MYRIP: variants seen among roughly 807,000 people sequenced by gnomAD.
MYRIP encodes myosin VIIA and Rab interacting protein, also known as rab effector MyRIP.
Under a neutral mutation model 98.0 loss-of-function variants are expected in MYRIP, and 49 were observed. That is an observed-to-expected ratio of 0.50 (90% CI 0.40 to 0.63). The LOEUF (loss-of-function observed/expected upper bound fraction) is 0.63. Ranked by LOEUF, MYRIP falls within the 30% of genes least tolerant of loss-of-function variation. MYRIP has a pLI of 0.00. For synonymous variants in MYRIP, 404 were observed against 409.5 expected (o/e 0.99, Z 0.16); for missense variants, 1,004 against 1,058.2 (o/e 0.95, Z 0.71).
chr3:40,206,190 C>T (rs1355388101), intron 10 of MYRIP, among the ~76,000 whole-genome samples: 2 of 152,072 alleles, frequency 1.3e-5, no homozygotes, highest in Non-Finnish European at 2.9e-5. Flanking sequence ...TTAAAATCAG[C>T]TCATGGGGGG....
At chr3:40,189,330 G>A (rs1951131430) in intron 9 of MYRIP, among the ~76,000 whole-genome samples, 2 of 152,160 alleles carry the variant, frequency 1.3e-5, no homozygotes, top group African/African-American at 2.4e-5. Flanking sequence ...AGCCTATTAC[G>A]AAGTAGGATC....
rs111368467 is a variant in MYRIP, at chr3:39,936,140, T to C, written c.110+35214T>C. ...GGCTGAAGTTCTTTATAAATACTAC[T>C]AAACCAGTATTTCTTTTTGTTAAAG... On this transcript the variant is annotated intron_variant, in intron 2 of 16. Transcript: ENST00000302541. Among the ~76,000 whole-genome samples the C allele has an allele frequency of 2.3e-3, 353 of 152,308 alleles. 2 individuals carry two copies. The highest frequency in any genetic ancestry group is 0.01 in the Middle Eastern group (3 of 294).
intron 12 of MYRIP, among the ~76,000 whole-genome samples, chr3:40,234,925 G>A (rs1348831027): frequency 2.7e-5 from 4 of 148,742 alleles, no homozygotes; most frequent in Admixed American, 6.8e-5. Context: ...CACAGGAGGC[G>A]AAGGCTGTAG....
chr3:39,871,836 G>A (rs1942798270), intron 1 of MYRIP, among the ~76,000 whole-genome samples: 1 of 151,952 alleles, frequency 6.6e-6, no homozygotes, highest in South Asian at 2.1e-4. Context: ...AATTTCAAGT[G>A]TTATTAGCAT....
intron 3 of MYRIP, among the ~76,000 whole-genome samples, chr3:40,115,808 T>A (rs889311371): frequency 1.3e-5 from 2 of 151,960 alleles, no homozygotes; most frequent in Non-Finnish European, 2.9e-5. Flanking sequence ...TTTTTTTTTT[T>A]ATGTGATGCT....
At chr3:39,831,624 A>T (rs1273427792) in intron 1 of MYRIP, among the ~76,000 whole-genome samples, 2 of 152,216 alleles carry the variant, frequency 1.3e-5, no homozygotes, top group Non-Finnish European at 2.9e-5. Context: ...ATAAATTTTT[A>T]TAAGAATTAC....
intron 11 of MYRIP, among the ~76,000 whole-genome samples, chr3:40,222,806 C>A (rs1952375575): frequency 1.3e-5 from 2 of 152,162 alleles, no homozygotes; most frequent in Non-Finnish European, 2.9e-5. Flanking sequence ...CAATCTTGAA[C>A]ACAGTTAAAT....
intron 11 of MYRIP, among the ~76,000 whole-genome samples, chr3:40,218,629 T>TATA (rs1553629285): frequency 1.8e-4 from 4 of 22,690 alleles, no homozygotes; most frequent in African/African-American, 2.6e-4. Flanking sequence ...TATATATATA[T>TATA]ATATATATAT....
intron 10 of MYRIP, among the ~76,000 whole-genome samples, chr3:40,206,086 G>C (rs1462355647): frequency 6.6e-6 from 1 of 152,102 alleles, no homozygotes; most frequent in Non-Finnish European, 1.5e-5. Context: ...ACCAAAGTTT[G>C]TGAACAATAT....
At chr3:40,050,977 G>A (rs749522319) in intron 3 of MYRIP, among the ~76,000 whole-genome samples, 31 of 152,102 alleles carry the variant, frequency 2.0e-4, no homozygotes, top group Non-Finnish European at 3.2e-4. Context: ...TGCCTGTTAC[G>A]AATGAGCAAA....
intron 2 of MYRIP, among the ~76,000 whole-genome samples, chr3:39,974,531 A>C (rs1361008144): frequency 2.0e-5 from 3 of 152,052 alleles, no homozygotes; most frequent in African/African-American, 7.2e-5. Context: ...AAAAGAGGGA[A>C]TCCTCCCTAA....
intron 2 of MYRIP, among the ~76,000 whole-genome samples, chr3:39,964,153 CTTT>C: frequency 6.6e-6 from 1 of 151,980 alleles, no homozygotes; most frequent in South Asian, 2.1e-4. Context: ...TTTTCATCTT[CTTT>C]ATCTTTCTTT....
chr3:40,108,842 A>G (rs1462406525), intron 3 of MYRIP, among the ~76,000 whole-genome samples: 1 of 152,174 alleles, frequency 6.6e-6, no homozygotes, highest in Admixed American at 6.5e-5. Context: ...TCCTAGAGAT[A>G]GTAAATGGCT....
chr3:40,240,748 G>T (rs1952984441), intron 12 of MYRIP, among the ~76,000 whole-genome samples: 1 of 152,148 alleles, frequency 6.6e-6, no homozygotes, highest in Non-Finnish European at 1.5e-5. Context: ...CACGCAATGG[G>T]GGCTCAGTTC....
chr3:39,831,933 T>A lies in MYRIP; in HGVS notation c.-31+22017T>A, dbSNP rs1049601919. On this transcript the variant is annotated intron_variant, in intron 1 of 16. Coordinates refer to ENST00000302541, the MANE Select transcript of MYRIP (RefSeq NM_015460.4). ...TATGTAAAGAAAAGATAACCTAAAATTAAATATTCACAACCAAGTTAAAGG... is the reference window on the plus strand; with the variant it reads ...TATGTAAAGAAAAGATAACCTAAAAATAAATATTCACAACCAAGTTAAAGG... 2.2e-4 allele frequency among the ~76,000 whole-genome samples: 34 copies of A among 152,340 alleles called. 1 individual carries two copies. The highest frequency in any genetic ancestry group is 1.3e-3 in the Admixed American group (20 of 15,298).
chr3:40,050,170 A>C (rs1011814110), intron 3 of MYRIP, among the ~76,000 whole-genome samples: 2 of 152,196 alleles, frequency 1.3e-5, no homozygotes, highest in Admixed American at 1.3e-4. Flanking sequence ...CAATGTTGAC[A>C]AAACAGCCTT....
At chr3:40,206,516 C>A (rs924817926) in intron 10 of MYRIP, among the ~76,000 whole-genome samples, 23 of 152,148 alleles carry the variant, frequency 1.5e-4, no homozygotes, top group Admixed American at 8.5e-4. Context: ...GGATTCCATT[C>A]TTTAAGATTT....
At chr3:40,127,657 T>TG (rs1225352582) in intron 3 of MYRIP, among the ~76,000 whole-genome samples, 2 of 152,198 alleles carry the variant, frequency 1.3e-5, no homozygotes, top group Middle Eastern at 6.8e-3. Flanking sequence ...CGGTTGGGGG[T>TG]GGGGGGCACT....
intron 2 of MYRIP, among the ~76,000 whole-genome samples, chr3:39,930,967 G>A (rs1944525457): frequency 6.6e-6 from 1 of 151,980 alleles, no homozygotes; most frequent in South Asian, 2.1e-4. Flanking sequence ...CTCTAGCTTA[G>A]TTTTTATTTT....
Sources: allele counts gnomAD v4.1 joint callset (sites outside exome capture counted in the v4.1 genomes callset), GRCh38; gene constraint gnomAD v4.1.1; transcripts MANE v1.5; gene names NCBI Gene and HGNC (gene_info 2026-07-23, HGNC 2026-07-21).